The following NAPEPLD variants were observed in gnomAD, a reference collection of about 807,000 sequenced individuals.
The protein encoded by NAPEPLD is N-acyl-phosphatidylethanolamine-hydrolyzing phospholipase D.
In NAPEPLD, 23 loss-of-function variants were observed where a neutral mutation model predicts 38.1. That is an observed-to-expected ratio of 0.60 (90% CI 0.43 to 0.86). The LOEUF is 0.86. NAPEPLD is among the 40% of genes least tolerant of loss of function. NAPEPLD has a pLI of 0.00. For synonymous variants in NAPEPLD, 147 were observed against 162.0 expected (o/e 0.91, Z 0.71); for missense variants, 411 against 476.8 (o/e 0.86, Z 1.28).
intron 3 of NAPEPLD, among the ~76,000 whole-genome samples, chr7:103,117,636 A>C (rs1805829007): frequency 6.6e-6 from 1 of 152,186 alleles, no homozygotes; most frequent in South Asian, 2.1e-4. Context: ...AAAGCCGTTA[A>C]CAGTAACCAA....
rs2129538405 is a variant in NAPEPLD at position 103,149,071 on chromosome 7, A to C, written c.-277T>G. ...TCAGCCCGCTCCACTTCGCCGAAGA[A>C]TTCCAAACCACCCCAGGCTCAGCAG... is the stretch of plus-strand genomic sequence containing the variant. On this transcript the variant is annotated 5_prime_UTR_variant, in exon 1 of 5. Coordinates refer to ENST00000465647, the MANE Select transcript of NAPEPLD (RefSeq NM_001122838.3). 1 of 985,432 alleles carries C rather than the reference A, an allele frequency of 1.0e-6. No individual in the cohort carries two copies. The highest frequency in any genetic ancestry group is 4.7e-5 in the South Asian group (1 of 21,270). The allele number at this position is 985,432 out of a possible 1,614,324, so 61.0% of individuals were successfully genotyped here.
chr7:103,131,171 ATATG>A (rs574243217), intron 1 of NAPEPLD, among the ~76,000 whole-genome samples: 205 of 152,326 alleles, frequency 1.3e-3, no homozygotes, highest in African/African-American at 4.5e-3. Context: ...ATACATATAC[ATATG>A]TATGTATATA....
intron 4 of NAPEPLD, among the ~76,000 whole-genome samples, chr7:103,104,305 A>G (rs745520498): frequency 2.0e-5 from 3 of 152,240 alleles, no homozygotes; most frequent in Non-Finnish European, 4.4e-5. Context: ...CTAGAGAGGA[A>G]CAGCAGGTAG....
At chr7:103,149,443 C>T (rs1393826109), upstream of NAPEPLD, 8 of 1,254,692 alleles carry the variant, frequency 6.4e-6, no homozygotes, top group Non-Finnish European at 7.2e-6. Context: ...AGGACGCCAG[C>T]AGCTGCAGGC....
intron 4 of NAPEPLD, 85 bp downstream of exon 4, chr7:103,114,975 T>G: frequency 1.0e-6 from 1 of 964,928 alleles, no homozygotes; most frequent in Non-Finnish European, 1.6e-6. Flanking sequence ...TCCAGAGTCT[T>G]GGGTCTGAAA....
intron 1 of NAPEPLD, among the ~76,000 whole-genome samples, chr7:103,143,838 C>G (rs1811996790): frequency 6.6e-6 from 1 of 152,194 alleles, no homozygotes; most frequent in Admixed American, 6.5e-5. Context: ...CCAATGGTAA[C>G]AAATGCCCAA....
At chr7:103,116,349 C>A (rs1805573630) in intron 3 of NAPEPLD, among the ~76,000 whole-genome samples, 1 of 152,186 alleles carries the variant, frequency 6.6e-6, no homozygotes, top group Non-Finnish European at 1.5e-5. Context: ...ACGTGAGCCA[C>A]CGCGCCCAGC....
At chr7:103,103,700 T>C in intron 4 of NAPEPLD, 146 bp from the exon 5 acceptor site, 1 of 774,496 alleles carries the variant, frequency 1.3e-6, no homozygotes, top group Non-Finnish European at 2.0e-6. Context: ...CAAATGGGTC[T>C]ATCACATTTT....
intron 1 of NAPEPLD, among the ~76,000 whole-genome samples, chr7:103,148,265 A>G (rs1332067682): frequency 6.6e-6 from 1 of 152,226 alleles, no homozygotes; most frequent in African/African-American, 2.4e-5. Flanking sequence ...CAACCAGGTG[A>G]GTCAGTCATA....
At chr7:103,127,676 A>G (rs1380265844) in intron 2 of NAPEPLD, 1 of 152,164 alleles carries the variant, frequency 6.6e-6, no homozygotes, top group Non-Finnish European at 1.5e-5. Context: ...TTGAGAGGCC[A>G]TAGGAGGCAG....
At chr7:103,123,598 A>T (rs373763999) in intron 2 of NAPEPLD, among the ~76,000 whole-genome samples, 1 of 152,226 alleles carries the variant, frequency 6.6e-6, no homozygotes, top group South Asian at 2.1e-4. Flanking sequence ...GCTACCATTT[A>T]TGAAGTGCTT....
chr7:103,147,496 A>G (rs944982986), intron 1 of NAPEPLD, among the ~76,000 whole-genome samples: 1 of 152,258 alleles, frequency 6.6e-6, no homozygotes, highest in Non-Finnish European at 1.5e-5. Context: ...AAGCAGAATG[A>G]AACAACAAAA....
chr7:103,126,835 C>T (rs1426395567), intron 2 of NAPEPLD: 1 of 145,432 alleles, frequency 6.9e-6, no homozygotes, highest in Non-Finnish European at 1.5e-5. Context: ...GCTATGTTGC[C>T]CCGGCTGGTC....
chr7:103,139,754 C>G (rs533526571), intron 1 of NAPEPLD, among the ~76,000 whole-genome samples: 1 of 152,228 alleles, frequency 6.6e-6, no homozygotes, highest in Admixed American at 6.5e-5. Context: ...AAAAAATAAA[C>G]GAACAGTGAG....
chr7:103,117,743 G>C (rs995716301), intron 3 of NAPEPLD, among the ~76,000 whole-genome samples: 1 of 152,124 alleles, frequency 6.6e-6, no homozygotes, highest in Non-Finnish European at 1.5e-5. Context: ...TTTCCTGTTT[G>C]CCTGCAATGC....
At chr7:103,109,168 TAGAC>T (rs1161209682) in intron 4 of NAPEPLD, among the ~76,000 whole-genome samples, 1 of 152,134 alleles carries the variant, frequency 6.6e-6, no homozygotes, top group African/African-American at 2.4e-5. Flanking sequence ...TTGTCAATAT[TAGAC>T]AGATCAACGA....
At position 103,120,231 on chromosome 7, in the gene NAPEPLD, T is replaced by C. The variant is rs958899176; in HGVS notation, c.295-8A>G. ...GAGTTCTTTGTCTAGTTCCTTTGTG[T>C]ATAAAGAAAGCAAGACAAAAGAGTA... On this transcript the variant is annotated splice_polypyrimidine_tract_variant and splice_region_variant and intron_variant, in intron 2 of 4. Coordinates refer to ENST00000465647, the MANE Select transcript of NAPEPLD (RefSeq NM_001122838.3). 6.2e-7 allele frequency: 1 copy of C among 1,600,182 alleles called. No individual in the cohort carries two copies. The highest frequency in any genetic ancestry group is 1.3e-5 in the African/African-American group (1 of 74,186).
At chr7:103,121,902 A>C (rs1437659979) in intron 2 of NAPEPLD, among the ~76,000 whole-genome samples, 1 of 152,152 alleles carries the variant, frequency 6.6e-6, no homozygotes, top group Non-Finnish European at 1.5e-5. Flanking sequence ...GACTTGTGTG[A>C]GTTCCTGAAG....
At position 103,119,902 on chromosome 7, in the gene NAPEPLD, CAT is replaced by C; in HGVS notation, c.614_615del (p.Asn205ArgfsTer12). The C allele has an allele frequency of 6.2e-7, 1 of 1,614,218 alleles. No homozygotes were observed. The highest frequency in any genetic ancestry group is 1.1e-5 in the South Asian group (1 of 91,090). On this transcript the variant is annotated frameshift_variant, in exon 3 of 5. Transcript: ENST00000465647. LOFTEE classifies it high-confidence loss of function. Reference sequence around the variant, plus strand: ...CCCAAAGGCACAAACCATCTCAACTCATTACCAAATCGCTCATTCAAAGCAAT... The same window carrying C: ...CCCAAAGGCACAAACCATCTCAACTCTACCAAATCGCTCATTCAAAGCAAT... ...SVIALNERFG[N>X]ELRWFVPLGL...
Sources: allele counts gnomAD v4.1 joint callset (sites outside exome capture counted in the v4.1 genomes callset), GRCh38; gene constraint gnomAD v4.1.1; transcripts MANE v1.5; gene names NCBI Gene and HGNC (gene_info 2026-07-23, HGNC 2026-07-21).